The following AASS variants were observed in gnomAD, a reference collection of about 807,000 sequenced individuals.
AASS encodes the protein aminoadipate-semialdehyde synthase.
In AASS, 86 loss-of-function variants were observed where a neutral mutation model predicts 105.4. The observed-to-expected ratio is 0.82, with a 90% confidence interval of 0.69 to 0.98. The LOEUF is 0.98. Among genes scored for constraint, AASS ranks in the 50% least tolerant of loss-of-function variants. AASS has a pLI of 0.00. For synonymous variants in AASS, 381 were observed against 394.8 expected, an observed-to-expected ratio of 0.96 and a Z score of 0.41; for missense variants, 1,048 against 1,143.2, an observed-to-expected ratio of 0.92 and a Z score of 1.20.
chr7:122,109,946 A>G lies in AASS; in HGVS notation c.1278+3172T>C, dbSNP rs190209932. On this transcript the variant is annotated intron_variant, in intron 11 of 23. Coordinates refer to ENST00000417368, the MANE Select transcript of AASS (RefSeq NM_005763.4). ...AAGTAATACTCAGAATATACAAGAAAGTCAAAGAACAAAACAAGAGATAAT... is the reference window on the plus strand; with the variant it reads ...AAGTAATACTCAGAATATACAAGAAGGTCAAAGAACAAAACAAGAGATAAT... Among the ~76,000 whole-genome samples, 9 of 152,200 alleles carry G rather than the reference A, an allele frequency of 5.9e-5. No homozygotes were observed. In the East Asian group the frequency reaches 1.7e-3, roughly 29 times the overall value.
intron 4 of AASS, among the ~76,000 whole-genome samples, chr7:122,122,798 G>T (rs1172354307): frequency 1.3e-5 from 2 of 152,122 alleles, no homozygotes; most frequent in African/African-American, 4.8e-5. Context: ...TGATTGATAG[G>T]TAGATGGACT....
chr7:122,118,278 T>C (rs1396480193), intron 6 of AASS, 29 bp downstream of exon 6: 1 of 1,612,764 alleles, frequency 6.2e-7, no homozygotes. Flanking sequence ...TTTGGATTGT[T>C]TTACAAAAGG....
chr7:122,086,729 A>G (rs1032703779), intron 18 of AASS, among the ~76,000 whole-genome samples: 2 of 152,186 alleles, frequency 1.3e-5, no homozygotes, highest in Non-Finnish European at 2.9e-5. Flanking sequence ...TGAGCCTTCT[A>G]AATGCCACAT....
intron 1 of AASS, among the ~76,000 whole-genome samples, chr7:122,140,416 G>A (rs1796330918): frequency 6.9e-6 from 1 of 145,126 alleles, no homozygotes; most frequent in Admixed American, 7.1e-5. Context: ...AACCCGGGAG[G>A]CGGAGCTTGC....
At chr7:122,081,453 G>A (rs772120908) in intron 20 of AASS, 47 bp downstream of exon 20, 1 of 1,385,058 alleles carries the variant, frequency 7.2e-7, no homozygotes, top group Non-Finnish European at 1.0e-6. Context: ...CATTTCAGAA[G>A]GTATTTCTGA....
rs540269742 is a variant in AASS at position 122,119,599 on chromosome 7, G to A, written c.473-969C>T. On this transcript the variant is annotated intron_variant, in intron 4 of 23. Coordinates refer to ENST00000417368, the MANE Select transcript of AASS (RefSeq NM_005763.4). The stretch of plus-strand genomic sequence containing the variant: ...CATCCCTACCAAATTTTCTTTTGTC[G>A]TTTTTCTAAAGTCAACTTATAAAGA... Among the ~76,000 whole-genome samples the A allele has an allele frequency of 1.1e-4, 16 of 151,952 alleles. No individual in the cohort carries two copies. In the South Asian group the frequency reaches 1.2e-3, roughly 12 times the overall value.
At chr7:122,088,150 C>A (rs533201664) in intron 18 of AASS, among the ~76,000 whole-genome samples, 1 of 152,088 alleles carries the variant, frequency 6.6e-6, no homozygotes, top group African/African-American at 2.4e-5. Context: ...TCTGCTCTGA[C>A]AATGCTCAGG....
At chr7:122,093,591 G>A (rs918050095) in intron 15 of AASS, among the ~76,000 whole-genome samples, 2 of 152,030 alleles carry the variant, frequency 1.3e-5, no homozygotes, top group African/African-American at 4.8e-5. Context: ...CAGGTGAGTC[G>A]CTTGGGCCCA....
At chr7:122,078,347 C>G (rs1473129989) in intron 22 of AASS, among the ~76,000 whole-genome samples, 1 of 151,366 alleles carries the variant, frequency 6.6e-6, no homozygotes, top group African/African-American at 2.4e-5. Context: ...GGCGCGGTGG[C>G]TCATGCCTGT....
At chr7:122,100,404 T>C (rs1794372713) in intron 13 of AASS, among the ~76,000 whole-genome samples, 1 of 151,928 alleles carries the variant, frequency 6.6e-6, no homozygotes, top group African/African-American at 2.4e-5. Flanking sequence ...CTAGCTTCTC[T>C]TATTCACAAA....
At chr7:122,092,979 A>T (rs749181761) in intron 16 of AASS, 28 bp from the exon 17 acceptor site, 2 of 1,612,630 alleles carry the variant, frequency 1.2e-6, no homozygotes, top group Non-Finnish European at 1.7e-6. Flanking sequence ...AGGAAAAAGG[A>T]AAACTTGGAT....
chr7:122,095,739 T>G (rs1405236), intron 15 of AASS, among the ~76,000 whole-genome samples: 1 of 151,966 alleles, frequency 6.6e-6, no homozygotes, highest in Non-Finnish European at 1.5e-5. Flanking sequence ...TTTGTTTCCT[T>G]AAACCAAAAA....
chr7:122,107,271 G>A (rs916182900), intron 11 of AASS, among the ~76,000 whole-genome samples: 1 of 152,100 alleles, frequency 6.6e-6, no homozygotes, highest in Non-Finnish European at 1.5e-5. Context: ...AAAAACGAAT[G>A]CTTATACACT....
At chr7:122,079,100 A>T in intron 21 of AASS, 150 bp from the exon 22 acceptor site, 2 of 1,536,564 alleles carry the variant, frequency 1.3e-6, no homozygotes, top group Non-Finnish European at 1.7e-6. Flanking sequence ...ATGTAAAATA[A>T]CAATAACAAT....
intron 11 of AASS, among the ~76,000 whole-genome samples, chr7:122,105,488 T>C (rs1159889416): frequency 6.6e-6 from 1 of 152,062 alleles, no homozygotes. Flanking sequence ...CCACAAAATA[T>C]GTCTTAACAA....
intron 4 of AASS, among the ~76,000 whole-genome samples, chr7:122,119,418 C>G (rs1428992269): frequency 1.3e-5 from 2 of 152,066 alleles, no homozygotes; most frequent in East Asian, 3.9e-4. Context: ...CAAAACTTAG[C>G]CAGCCACCTT....
rs1429167718 is a variant in AASS, at chr7:122,098,532, T to C, written c.1573A>G (p.Asn525Asp). The change falls in exon 15 of 24, where the codon AAT (asparagine) becomes GAT (aspartate). Residue 525 changes from asparagine (N) to aspartate (D), a missense_variant. Coordinates refer to ENST00000417368, the MANE Select transcript of AASS (RefSeq NM_005763.4). ...NQIEQLGKKY[N>D]INPVSMDICK... The stretch of plus-strand genomic sequence containing the variant: ...ATGTCCATGCTAACAGGATTAATAT[T>C]ATATTTCTTGCCTAACTGTTCAATT... 6.2e-7 allele frequency: 1 copy of C among 1,611,082 alleles called. No homozygotes were observed. The highest frequency in any genetic ancestry group is 1.7e-5 in the Admixed American group (1 of 59,754).
chr7:122,128,351 G>T (rs137969916), intron 3 of AASS, among the ~76,000 whole-genome samples: 32 of 152,160 alleles, frequency 2.1e-4, no homozygotes, highest in Non-Finnish European at 4.4e-4. Context: ...ACTCAATCTC[G>T]AATCTGTCTG....
rs12532071 is a variant in AASS at position 122,076,956 on chromosome 7, T to A, written c.2663-349A>T. ...TTAACTTGCTAATGTCATTTTTTTT[T>A]AAAAAAGGCAAGACACCAACAGAAT... On this transcript the variant is annotated intron_variant, in intron 23 of 23. Coordinates refer to ENST00000417368, the MANE Select transcript of AASS (RefSeq NM_005763.4). 7.9e-3 allele frequency among the ~76,000 whole-genome samples: 1,207 copies of A among 152,106 alleles called. 24 individuals carry two copies. Among genetic ancestry groups the A allele is most frequent in the African/African-American group, 0.025 (1,050 of 41,492 alleles).
Sources: gnomAD v4.1 joint callset for allele counts (sites outside exome capture counted in the v4.1 genomes callset) on GRCh38, gnomAD v4.1.1 for gene constraint, MANE v1.5 for transcripts, NCBI Gene and HGNC (gene_info 2026-07-23, HGNC 2026-07-21) for gene names.